Variants in MEOX2 observed in about 807,000 individuals in gnomAD.
MEOX2 encodes homeobox protein MOX-2.
In MEOX2, 11 loss-of-function variants were observed where a neutral mutation model predicts 27.0. The observed-to-expected ratio is 0.41, with a 90% CI of 0.26 to 0.68. The LOEUF (loss-of-function observed/expected upper bound fraction) is 0.68. Among genes scored for constraint, MEOX2 ranks in the 30% least tolerant of loss-of-function variants. The pLI is 0.33. For synonymous variants in MEOX2, 189 were observed against 155.4 expected, an observed-to-expected ratio of 1.22 and a Z score of -1.61; for missense variants, 436 against 385.4, an observed-to-expected ratio of 1.13 and a Z score of -1.10.
At chr7:15,666,344 T>G (rs1316280094) in intron 1 of MEOX2, among the ~76,000 whole-genome samples, 1 of 152,226 alleles carries the variant, frequency 6.6e-6, no homozygotes, top group Non-Finnish European at 1.5e-5. Context: ...GAAAATCTCC[T>G]GCCTTTCACT....
intron 1 of MEOX2, among the ~76,000 whole-genome samples, chr7:15,674,989 GT>G (rs71686638): frequency 0.55 from 83,332 of 151,922 alleles, 23,846 homozygotes; most frequent in African/African-American, 0.72. Flanking sequence ...GTTTCCTGGT[GT>G]TCTGCTTGTA....
At chr7:15,638,494 A>G (rs765855219) in intron 1 of MEOX2, among the ~76,000 whole-genome samples, 19 of 151,940 alleles carry the variant, frequency 1.3e-4, no homozygotes, top group Non-Finnish European at 1.2e-4. Flanking sequence ...ACATTTCTAG[A>G]TCTTCTTTAT....
chr7:15,664,261 G>A (rs376668377), intron 1 of MEOX2, among the ~76,000 whole-genome samples: 8 of 152,234 alleles, frequency 5.3e-5, no homozygotes, highest in Non-Finnish European at 1.2e-4. Context: ...TCCTCTTAAC[G>A]TCTGTTTCTT....
intron 1 of MEOX2, among the ~76,000 whole-genome samples, chr7:15,667,724 T>A (rs914724311): frequency 1.3e-5 from 2 of 152,204 alleles, no homozygotes; most frequent in Non-Finnish European, 2.9e-5. Flanking sequence ...AAAATACTAA[T>A]GTGCTTCCTA....
intron 1 of MEOX2, chr7:15,678,892 C>T (rs746894816): frequency 3.9e-5 from 6 of 152,042 alleles, no homozygotes; most frequent in Admixed American, 1.3e-4. Context: ...AAGATAACTG[C>T]GAATTTGTTT....
At position 15,638,341 on chromosome 7, in the gene MEOX2, CATT is replaced by C. The variant is rs558809736; in HGVS notation, c.518-11426_518-11424del. On this transcript the variant is annotated intron_variant, in intron 1 of 2. Transcript: ENST00000262041. ...TATTTTTCTGAGTGCAATTAAATGG[CATT>C]ATCTTTTATTTATGTACGTTTGTAT... Among the ~76,000 whole-genome samples the C allele has an allele frequency of 2.0e-5, 3 of 152,060 alleles. No homozygotes were observed. The South Asian group carries it at 6.2e-4, about 31-fold the overall frequency.
In MEOX2 at chr7:15,648,387, G is replaced by A. The variant is rs78589673; in HGVS notation, c.518-21469C>T. On this transcript the variant is annotated intron_variant, in intron 1 of 2. Coordinates refer to ENST00000262041, the MANE Select transcript of MEOX2 (RefSeq NM_005924.5). ...ATAAAAAATAATTTTATGCCGGTGC[G>A]GATGAAGGAATAAAAAGAAAGCGTA... 2.0e-4 allele frequency among the ~76,000 whole-genome samples: 31 copies of A among 152,054 alleles called. No homozygotes were observed. In the East Asian group the frequency reaches 5.2e-3, roughly 26 times the overall value.
intron 1 of MEOX2, among the ~76,000 whole-genome samples, chr7:15,659,685 G>A (rs1781879602): frequency 6.6e-6 from 1 of 150,788 alleles, no homozygotes; most frequent in African/African-American, 2.4e-5. Flanking sequence ...GCGTGAACCC[G>A]GGAGGCGGAG....
chr7:15,625,565 C>G (rs1310991923), intron 2 of MEOX2, among the ~76,000 whole-genome samples: 1 of 152,200 alleles, frequency 6.6e-6, no homozygotes, highest in Non-Finnish European at 1.5e-5. Flanking sequence ...TTAAGACATG[C>G]ATTCATTTGT....
At chr7:15,617,046 A>ATTTC (rs1236266169) in intron 2 of MEOX2, among the ~76,000 whole-genome samples, 1 of 152,140 alleles carries the variant, frequency 6.6e-6, no homozygotes, top group South Asian at 2.1e-4. Flanking sequence ...TTGTCACACA[A>ATTTC]TTTCCTAAGG....
rs187688089 is a variant in MEOX2, at chr7:15,632,234, G to A, written c.518-5316C>T. On this transcript the variant is annotated intron_variant, in intron 1 of 2. Coordinates refer to ENST00000262041, the MANE Select transcript of MEOX2 (RefSeq NM_005924.5). The stretch of plus-strand genomic sequence containing the variant: ...TCTCTACAGTTTTGAGGTGATGGAA[G>A]TTACAGAAATTTTAGCCATTTTAAA... Among the ~76,000 whole-genome samples the A allele has an allele frequency of 4.6e-3, 704 of 151,742 alleles. 6 individuals are homozygous for A. The highest frequency in any genetic ancestry group is 0.016 in the African/African-American group (670 of 41,434).
At chr7:15,659,758 C>CAAAAAAAAAAAAAAA in intron 1 of MEOX2, among the ~76,000 whole-genome samples, 1 of 54,224 alleles carries the variant, frequency 1.8e-5, no homozygotes, top group Non-Finnish European at 4.0e-5. Context: ...AGACTGCTCT[C>CAAAAAAAAAAAAAAA]AAAAAAAAAA....
chr7:15,659,758 CAA>C (rs58319551), intron 1 of MEOX2, among the ~76,000 whole-genome samples: 63 of 54,208 alleles, frequency 1.2e-3, no homozygotes, highest in African/African-American at 3.6e-3. Context: ...AGACTGCTCT[CAA>C]AAAAAAAAAA....
At chr7:15,623,863 A>G (rs1781255916) in intron 2 of MEOX2, among the ~76,000 whole-genome samples, 1 of 152,228 alleles carries the variant, frequency 6.6e-6, no homozygotes. Context: ...TACCTCTTCT[A>G]TGAATTCTAA....
At chr7:15,633,942 T>A (rs1204908161) in intron 1 of MEOX2, among the ~76,000 whole-genome samples, 2 of 151,962 alleles carry the variant, frequency 1.3e-5, no homozygotes, top group Admixed American at 1.3e-4. Flanking sequence ...GAAATTTAAC[T>A]GACCTTCAGC....
chr7:15,625,309 T>C (rs1781285509), intron 2 of MEOX2, among the ~76,000 whole-genome samples: 1 of 152,182 alleles, frequency 6.6e-6, no homozygotes, highest in Non-Finnish European at 1.5e-5. Flanking sequence ...CTTTCCAGCA[T>C]GCCAAATGTT....
At chr7:15,644,255 T>C (rs934009649) in intron 1 of MEOX2, among the ~76,000 whole-genome samples, 28 of 152,144 alleles carry the variant, frequency 1.8e-4, no homozygotes, top group African/African-American at 6.8e-4. Context: ...AGTGCCTCTA[T>C]ATGTTCTCCA....
chr7:15,640,997 T>C (rs752713847), intron 1 of MEOX2, among the ~76,000 whole-genome samples: 1 of 152,110 alleles, frequency 6.6e-6, no homozygotes, highest in African/African-American at 2.4e-5. Flanking sequence ...ATTTTTGTTG[T>C]TGTTGTTGTG....
intron 1 of MEOX2, among the ~76,000 whole-genome samples, chr7:15,635,062 A>G (rs1781459931): frequency 6.6e-6 from 1 of 152,044 alleles, no homozygotes; most frequent in South Asian, 2.1e-4. Context: ...ATTTAATTAA[A>G]TACTGACTGA....
Sources: allele counts gnomAD v4.1 joint callset (sites outside exome capture counted in the v4.1 genomes callset), GRCh38; gene constraint gnomAD v4.1.1; transcripts MANE v1.5; gene names NCBI Gene and HGNC (gene_info 2026-07-23, HGNC 2026-07-21).